Variants in C11orf65 observed in about 807,000 individuals in gnomAD.
The protein encoded by C11orf65 is chromosome 11 open reading frame 65, also known as protein MFI.
C11orf65 carries 38 observed loss-of-function variants against 35.3 expected under a neutral mutation model. The observed-to-expected ratio is 1.08, with a 90% CI of 0.83 to 1.41. C11orf65 has a LOEUF of 1.41. Ranked by LOEUF, C11orf65 falls within the 40% of genes most tolerant of loss-of-function variation. C11orf65 has a pLI of 0.00. For missense variants in C11orf65, 370 were observed against 367.1 expected (o/e 1.01, Z -0.06); for synonymous variants, 105 against 114.4 (o/e 0.92, Z 0.53).
At chr11:108,386,082 G>A in intron 7 of C11orf65, 107 bp from the exon 8 acceptor site, 1 of 883,130 alleles carries the variant, frequency 1.1e-6, no homozygotes, top group South Asian at 1.5e-5. Context: ...ATGATGGCAT[G>A]TTCACTAGCC....
chr11:108,442,554 A>C (rs2093173015), intron 2 of C11orf65, among the ~76,000 whole-genome samples: 1 of 152,192 alleles, frequency 6.6e-6, no homozygotes, highest in South Asian at 2.1e-4. Context: ...TGAAGGAAAA[A>C]ATATTAAGGG....
At chr11:108,425,141 GA>G (rs2092881568) in intron 3 of C11orf65, among the ~76,000 whole-genome samples, 1 of 152,010 alleles carries the variant, frequency 6.6e-6, no homozygotes, top group African/African-American at 2.4e-5. Flanking sequence ...CAGAAGACAA[GA>G]AATATCTACG....
At chr11:108,428,674 C>T (rs1315730489) in intron 3 of C11orf65, among the ~76,000 whole-genome samples, 2 of 152,010 alleles carry the variant, frequency 1.3e-5, no homozygotes, top group Non-Finnish European at 2.9e-5. Flanking sequence ...CGTTGGGGGG[C>T]TAGAGGAGGG....
At position 108,406,944 on chromosome 11, in the gene C11orf65, A is replaced by C; in HGVS notation, c.248T>G (p.Ile83Arg). 6 of 1,610,568 alleles carry C rather than the reference A, an allele frequency of 3.7e-6. No individual in the cohort carries two copies. The African/African-American group carries it at 8.0e-5, about 21-fold the overall frequency. ...RLGGVKFPPD[I>R]YYKIFTHRPI... ...TCTGTGAGTAAAAATCTTATAGTAT[A>C]TATCAGGTGGAAATTTAACCTGTAG... Residue 83 changes from isoleucine to arginine, a missense_variant, in exon 5 of 9, where the codon ATA becomes AGA. Coordinates refer to ENST00000393084, the MANE Select transcript of C11orf65 (RefSeq NM_152587.5).
At chr11:108,408,399 G>A (rs1255886688) in intron 3 of C11orf65, among the ~76,000 whole-genome samples, 1 of 152,042 alleles carries the variant, frequency 6.6e-6, no homozygotes, top group South Asian at 2.1e-4. Context: ...TCTGGGCCGG[G>A]CGTGGTGGCT....
chr11:108,364,076 G>A (rs1591379170), intron 2 of C11orf65, among the ~76,000 whole-genome samples: 2 of 152,194 alleles, frequency 1.3e-5, no homozygotes, highest in Middle Eastern at 6.8e-3. Context: ...TAATGGTCCT[G>A]GAGGACACTC....
rs1591307673 is a variant in C11orf65, at chr11:108,353,890, A to G, written c.227-18598T>C. On this transcript the variant is annotated intron_variant, in intron 2 of 3. Coordinates refer to the C11orf65 transcript ENST00000524755. ...AAGGTGTCTTCAGAAGGTAAGTGAT[A>G]TGAAGTAAAGGAGGGAAATAATTTT... The G allele has an allele frequency of 6.2e-7, 1 of 1,603,244 alleles. No individual in the cohort carries two copies. The highest frequency in any genetic ancestry group is 1.7e-5 in the Admixed American group (1 of 59,982).
intron 2 of C11orf65, among the ~76,000 whole-genome samples, chr11:108,441,590 C>A (rs1302931167): frequency 1.3e-5 from 2 of 152,208 alleles, no homozygotes; most frequent in Non-Finnish European, 2.9e-5. Context: ...CAGACTGACA[C>A]CTCATACGGC....
At chr11:108,440,528 G>C (rs72992163) in intron 2 of C11orf65, among the ~76,000 whole-genome samples, 16,237 of 152,114 alleles carry the variant, frequency 0.11, 1,213 homozygotes, top group Non-Finnish European at 0.15. Flanking sequence ...ATAAAAAATG[G>C]CCTTTTCACT....
intron 2 of C11orf65, among the ~76,000 whole-genome samples, chr11:108,434,192 A>G (rs528684934): frequency 5.3e-5 from 8 of 152,132 alleles, no homozygotes; most frequent in Non-Finnish European, 1.0e-4. Context: ...CTCATGAACA[A>G]AGTGGTCATA....
chr11:108,393,856 CT>C (rs1224878134), intron 6 of C11orf65, among the ~76,000 whole-genome samples: 1 of 152,084 alleles, frequency 6.6e-6, no homozygotes, highest in Non-Finnish European at 1.5e-5. Context: ...GTGCCAGGTA[CT>C]TTTCATACAG....
chr11:108,313,277 G>A (rs4988075), intron 6 of C11orf65, among the ~76,000 whole-genome samples: 3 of 152,048 alleles, frequency 2.0e-5, no homozygotes, highest in Non-Finnish European at 4.4e-5. Flanking sequence ...AACCTCTCCT[G>A]TTTAAAAATT....
At position 108,345,883 on chromosome 11, in the gene C11orf65, G is replaced by A. The variant is rs368058202; in HGVS notation, c.227-10591C>T. 9 of 1,613,670 alleles carry A rather than the reference G, an allele frequency of 5.6e-6. No homozygotes were observed. The highest frequency in any genetic ancestry group is 2.2e-5 in the East Asian group (1 of 44,814). On this transcript the variant is annotated intron_variant, in intron 2 of 3. Coordinates refer to the C11orf65 transcript ENST00000524755. ...GGTTTGAGAAGCGATTGGCTTATAC[G>A]CGCAGTGTAGCTACTTCTTCTATTG...
In C11orf65 at chr11:108,354,854, ACT is replaced by A. The variant is rs786203030; in HGVS notation, c.227-19564_227-19563del. 5.0e-6 allele frequency: 8 copies of A among 1,613,600 alleles called. No individual in the cohort carries two copies. The highest frequency in any genetic ancestry group is 2.2e-5 in the East Asian group (1 of 44,866). On this transcript the variant is annotated intron_variant, in intron 2 of 3. Transcript: ENST00000524755. ...GGAAGTGATGAGAAACTCTCAGGAAACTCTGTTAACCATTGTAGAGGTAAAGT... is the reference window on the plus strand; with the variant it reads ...GGAAGTGATGAGAAACTCTCAGGAAACTGTTAACCATTGTAGAGGTAAAGT...
intron 1 of C11orf65, among the ~76,000 whole-genome samples, chr11:108,466,658 G>A (rs923392651): frequency 6.6e-6 from 1 of 152,174 alleles, no homozygotes. Flanking sequence ...CTACACCCAT[G>A]TGCCACTTGT....
intron 6 of C11orf65, among the ~76,000 whole-genome samples, chr11:108,403,434 T>TTTTTTTTTTTTTTTTTTTTTTTTTG (rs1555164839): frequency 6.9e-6 from 1 of 145,552 alleles, no homozygotes; most frequent in Non-Finnish European, 1.5e-5. Flanking sequence ...TTTTTTTTTT[T>TTTTTTTTTTTTTTTTTTTTTTTTTG]ACATATTCTT....
At chr11:108,445,262 T>G (rs1054832742) in intron 2 of C11orf65, among the ~76,000 whole-genome samples, 2 of 152,098 alleles carry the variant, frequency 1.3e-5, no homozygotes, top group African/African-American at 4.8e-5. Context: ...GAGTAGTGGT[T>G]CTCCCAGCAT....
intron 3 of C11orf65, among the ~76,000 whole-genome samples, chr11:108,423,037 C>A (rs942565278): frequency 6.6e-6 from 1 of 152,074 alleles, no homozygotes; most frequent in African/African-American, 2.4e-5. Context: ...TAAAAAGCAC[C>A]AGCTGTGCAT....
chr11:108,407,701 T>C (rs146725299), intron 3 of C11orf65, among the ~76,000 whole-genome samples: 3,312 of 151,290 alleles, frequency 0.022, 92 homozygotes, highest in African/African-American at 0.069. Flanking sequence ...TCCCAGAACT[T>C]TGGGAGGCCG....
Sources: allele counts gnomAD v4.1 joint callset (sites outside exome capture counted in the v4.1 genomes callset), GRCh38; gene constraint gnomAD v4.1.1; transcripts MANE v1.5; gene names NCBI Gene and HGNC (gene_info 2026-07-23, HGNC 2026-07-21).